PIK3CD: variants seen among roughly 807,000 people sequenced by gnomAD.
PIK3CD encodes the protein phosphatidylinositol 4,5-bisphosphate 3-kinase catalytic subunit delta isoform.
In PIK3CD, 20 loss-of-function variants were observed where a neutral mutation model predicts 122.9. The ratio of observed to expected loss-of-function variants is 0.16; its 90% CI spans 0.11 to 0.24. PIK3CD has a LOEUF of 0.24. Ranked by LOEUF, PIK3CD falls within the 10% of genes least tolerant of loss-of-function variation. The pLI, the probability that PIK3CD is intolerant of heterozygous loss-of-function variation, is 1.00. For synonymous variants in PIK3CD, 596 were observed against 593.4 expected, an observed-to-expected ratio of 1.00 and a Z score of -0.06; for missense variants, 787 against 1,406.3, an observed-to-expected ratio of 0.56 and a Z score of 7.04.
chr1:9,653,900 G>A (rs1304715949), intron 1 of PIK3CD: 2 of 1,367,208 alleles, frequency 1.5e-6, no homozygotes, highest in South Asian at 1.1e-5. Context: ...GTGGGCTGGA[G>A]GAGTGCTCTT....
intron 1 of PIK3CD, among the ~76,000 whole-genome samples, chr1:9,668,457 G>A (rs1406429676): frequency 6.8e-6 from 1 of 147,052 alleles, no homozygotes; most frequent in Non-Finnish European, 1.5e-5. Context: ...TTTTTTTTTG[G>A]TTTGGCAAAT....
At chr1:9,633,367 G>C in the PIK3CD span, among the ~76,000 whole-genome samples, 1 of 152,190 alleles carries the variant, frequency 6.6e-6, no homozygotes, top group Admixed American at 6.6e-5. Context: ...GAGTGCGATG[G>C]CGCAGTCTCG....
At position 9,710,621 on chromosome 1, in the gene PIK3CD, A is replaced by G. The variant is rs1279991670; in HGVS notation, c.141+25A>G. 1 of 1,609,594 alleles carries G rather than the reference A, an allele frequency of 6.2e-7. No individual in the cohort carries two copies. The highest frequency in any genetic ancestry group is 1.4e-5 in the African/African-American group (1 of 73,312). Reference sequence around the variant, plus strand: ...GGTATGGCCTCCATCCGGTCCTCAGACCTTGGTGCTCAGAGAGAGAGAGAG... The same window carrying G: ...GGTATGGCCTCCATCCGGTCCTCAGGCCTTGGTGCTCAGAGAGAGAGAGAG... On this transcript the variant is annotated intron_variant, in intron 3 of 23. Transcript: ENST00000377346. The surrounding 1 kb of genome is among the most constrained non-coding windows in gnomAD (Gnocchi z 4.7).
At chr1:9,709,234 T>G (rs1231613532) in intron 2 of PIK3CD, among the ~76,000 whole-genome samples, 1 of 152,018 alleles carries the variant, frequency 6.6e-6, no homozygotes, top group African/African-American at 2.4e-5. Context: ...TTCATCTAGC[T>G]CAGTTCATCA....
chr1:9,681,567 A>C (rs1171326037), intron 1 of PIK3CD, among the ~76,000 whole-genome samples: 3 of 152,004 alleles, frequency 2.0e-5, no homozygotes, highest in Non-Finnish European at 1.5e-5. Flanking sequence ...GGCGTGCGCC[A>C]CTAGTTTCTG....
chr1:9,725,703 C>T (rs969338995), intron 23 of PIK3CD, among the ~76,000 whole-genome samples: 4 of 151,554 alleles, frequency 2.6e-5, no homozygotes, highest in African/African-American at 9.7e-5. Context: ...ATGGTGAAAC[C>T]CTGTCTCTAC....
chr1:9,659,179 G>A (rs988900494), intron 1 of PIK3CD, among the ~76,000 whole-genome samples: 1 of 152,108 alleles, frequency 6.6e-6, no homozygotes, highest in Non-Finnish European at 1.5e-5. Flanking sequence ...GGTAGGGGGT[G>A]GGAGAGCATC....
At chr1:9,701,261 C>T (rs751287703) in intron 2 of PIK3CD, among the ~76,000 whole-genome samples, 17 of 152,140 alleles carry the variant, frequency 1.1e-4, no homozygotes, top group Admixed American at 3.3e-4. Flanking sequence ...TTCTAGAAGA[C>T]TTGAGTCCCT....
At position 9,704,833 on chromosome 1, in the gene PIK3CD, C is replaced by T. The variant is rs889253494; in HGVS notation, c.-32-5591C>T. Reference sequence around the variant, plus strand: ...CCAGCCGGTCCCCCAAGTTTTGAAACAAAAGGAAGACTTTGGCTTGGCCAT... The same window carrying T: ...CCAGCCGGTCCCCCAAGTTTTGAAATAAAAGGAAGACTTTGGCTTGGCCAT... On this transcript the variant is annotated intron_variant, in intron 2 of 23. Transcript: ENST00000377346. This position sits in a 1 kb window ranked among gnomAD's most constrained non-coding sequence, Gnocchi z 5.0. 4.6e-5 allele frequency among the ~76,000 whole-genome samples: 7 copies of T among 152,178 alleles called. No homozygotes were observed. The highest frequency in any genetic ancestry group is 3.9e-4 in the Admixed American group (6 of 15,276).
rs552703651 is a variant in PIK3CD at position 9,656,793 on chromosome 1, A to G, written c.-138+4991A>G. Among the ~76,000 whole-genome samples, 4 of 152,208 alleles carry G rather than the reference A, an allele frequency of 2.6e-5. No individual in the cohort carries two copies. The East Asian group carries it at 5.8e-4, about 22-fold the overall frequency. ...CCCCGTCTCTACTAAAAATTCAAAAATTAGCCAGGCGTGGTGGCACGTGCC... is the reference window on the plus strand; with the variant it reads ...CCCCGTCTCTACTAAAAATTCAAAAGTTAGCCAGGCGTGGTGGCACGTGCC... On this transcript the variant is annotated intron_variant, in intron 1 of 23. Coordinates refer to ENST00000377346, the MANE Select transcript of PIK3CD (RefSeq NM_005026.5).
rs563693285 is a variant in PIK3CD, at chr1:9,722,662, G to A, written c.2426+56G>A. 11 of 1,460,074 alleles carry A rather than the reference G, an allele frequency of 7.5e-6. No individual in the cohort carries two copies. In the East Asian group the frequency reaches 9.1e-5, roughly 12 times the overall value. 90.4% of individuals were successfully genotyped at this position (1,460,074 alleles called of 1,614,324 possible). On this transcript the variant is annotated intron_variant, in intron 19 of 23. Coordinates refer to ENST00000377346, the MANE Select transcript of PIK3CD (RefSeq NM_005026.5). This position sits in a 1 kb window ranked among gnomAD's most constrained non-coding sequence, Gnocchi z 7.6. Reference sequence around the variant, plus strand: ...GTGTCTGTGCCCAGCCTGGGAGTCTGTGCCCCTGGAGGGGTCCTTGTTGAA... The same window carrying A: ...GTGTCTGTGCCCAGCCTGGGAGTCTATGCCCCTGGAGGGGTCCTTGTTGAA...
chr1:9,682,386 G>A lies in PIK3CD; in HGVS notation c.-137-9081G>A, dbSNP rs554811452. Among the ~76,000 whole-genome samples the A allele has an allele frequency of 2.6e-5, 4 of 151,660 alleles. No homozygotes were observed. In the East Asian group the frequency reaches 7.8e-4, roughly 29 times the overall value. On this transcript the variant is annotated intron_variant, in intron 1 of 23. Transcript: ENST00000377346. ...CCTGAGTAGCTGGGATTACAGGCAT[G>A]CCACTACACTTGGCTAATTTTTGGT...
the PIK3CD span, among the ~76,000 whole-genome samples, chr1:9,630,290 G>A: frequency 3.3e-5 from 5 of 152,234 alleles, no homozygotes; most frequent in Non-Finnish European, 5.9e-5. Flanking sequence ...AGGGTCACTC[G>A]GTGTCAGGCC....
Position 9,723,382 on chromosome 1 carries a change from G to A in PIK3CD, c.2594+90G>A. On this transcript the variant is annotated intron_variant, in intron 20 of 23. Coordinates refer to ENST00000377346, the MANE Select transcript of PIK3CD (RefSeq NM_005026.5). The surrounding 1 kb of genome is among the most constrained non-coding windows in gnomAD (Gnocchi z 4.9). The stretch of plus-strand genomic sequence containing the variant: ...GCCTGTCAGAACAAAGGAGCGGGGA[G>A]GGGCCTCAGACCATCTTTGTGGCTA... The A allele has an allele frequency of 7.2e-7, 1 of 1,382,254 alleles. No individual in the cohort carries two copies. The highest frequency in any genetic ancestry group is 1.0e-6 in the Non-Finnish European group (1 of 972,038). The allele number at this position is 1,382,254 out of a possible 1,614,324, so 85.6% of individuals were successfully genotyped here. A position where few individuals can be genotyped will look rare whatever the true frequency, so the allele number is the denominator to read the frequency against.
chr1:9,642,920 G>A, the PIK3CD span, among the ~76,000 whole-genome samples: 2 of 145,244 alleles, frequency 1.4e-5, no homozygotes, highest in South Asian at 2.2e-4. Context: ...GCGAGACCTC[G>A]TCTCCAAAAA....
chr1:9,724,539 C>A lies in PIK3CD; in HGVS notation c.2864+118C>A. 1 of 1,196,728 alleles carries A rather than the reference C, an allele frequency of 8.4e-7. No individual in the cohort carries two copies. Among genetic ancestry groups the A allele is most frequent in the Non-Finnish European group, 1.2e-6 (1 of 820,938 alleles). 74.1% of individuals were successfully genotyped at this position (1,196,728 alleles called of 1,614,324 possible). A position where few individuals can be genotyped will look rare whatever the true frequency, so the allele number is the denominator to read the frequency against. On this transcript the variant is annotated intron_variant, in intron 22 of 23. Coordinates refer to ENST00000377346, the MANE Select transcript of PIK3CD (RefSeq NM_005026.5). This position sits in a 1 kb window ranked among gnomAD's most constrained non-coding sequence, Gnocchi z 7.3. ...GGTCTCAACCCCACACCTGGCCCCTCACCCCAACTGTTGATGGGTTTGGAA... is the reference window on the plus strand; with the variant it reads ...GGTCTCAACCCCACACCTGGCCCCTAACCCCAACTGTTGATGGGTTTGGAA...
chr1:9,717,417 A>G lies in PIK3CD; in HGVS notation c.931-120A>G. On this transcript the variant is annotated intron_variant, in intron 7 of 23. Coordinates refer to ENST00000377346, the MANE Select transcript of PIK3CD (RefSeq NM_005026.5). The surrounding 1 kb of genome is among the most constrained non-coding windows in gnomAD (Gnocchi z 5.4). ...AGGATAGCATTGTGGACAGGCCCAAACCTGGCCGCAAACCTGTGACCCTCT... is the reference window on the plus strand; with the variant it reads ...AGGATAGCATTGTGGACAGGCCCAAGCCTGGCCGCAAACCTGTGACCCTCT... 9.7e-7 allele frequency: 1 copy of G among 1,033,968 alleles called. No individual in the cohort carries two copies. Among genetic ancestry groups the G allele is most frequent in the Non-Finnish European group, 1.5e-6 (1 of 666,026 alleles). 64.0% of individuals were successfully genotyped at this position (1,033,968 alleles called of 1,614,324 possible). A position where few individuals can be genotyped will look rare whatever the true frequency, so the allele number is the denominator to read the frequency against.
the PIK3CD span, among the ~76,000 whole-genome samples, chr1:9,634,560 A>G: frequency 6.6e-6 from 1 of 152,108 alleles, no homozygotes; most frequent in Non-Finnish European, 1.5e-5. Flanking sequence ...TGGCCTCCCA[A>G]AGTGCTGGGA....
Position 9,715,867 on chromosome 1 carries a change from C to T in PIK3CD, c.389C>T (p.Ser130Phe). Residue 130 changes from serine to phenylalanine, a missense_variant, in exon 5 of 24, where the codon TCC becomes TTC. Ser to Phe is a radical substitution (Grantham distance 155). Around this residue, in one of 6 missense-constraint regions of PIK3CD, gnomAD observed 592 missense variants for 920.6 expected, o/e 0.64. Coordinates refer to ENST00000377346, the MANE Select transcript of PIK3CD (RefSeq NM_005026.5). This position sits in a 1 kb window ranked among gnomAD's most constrained non-coding sequence, Gnocchi z 4.1. ...LIGKGLHEFDSLCDPEVNDFR... is the reference protein window; with the variant it reads ...LIGKGLHEFDFLCDPEVNDFR... ...CCCGCAGGCCTCCACGAGTTTGACT[C>T]CTTGTGCGACCCAGAAGTGAACGAC... The T allele has an allele frequency of 6.2e-7, 1 of 1,610,170 alleles. No individual in the cohort carries two copies. The highest frequency in any genetic ancestry group is 1.7e-5 in the Admixed American group (1 of 59,940).
Sources: gnomAD v4.1 joint callset for allele counts (sites outside exome capture counted in the v4.1 genomes callset) on GRCh38, gnomAD v4.1.1 for gene constraint, gnomAD v4.1.1 regional missense constraint, Gnocchi (gnomAD v3.1) non-coding constraint, MANE v1.5 for transcripts, NCBI Gene and HGNC (gene_info 2026-07-23, HGNC 2026-07-21) for gene names.